The following SPIDR variants were observed in gnomAD, a reference collection of about 807,000 sequenced individuals.
The protein encoded by SPIDR is scaffold protein involved in DNA repair.
Under a neutral mutation model 104.6 loss-of-function variants are expected in SPIDR, and 93 were observed. The ratio of observed to expected loss-of-function variants is 0.89; its 90% CI spans 0.75 to 1.06. SPIDR has a LOEUF of 1.06. Among genes scored for constraint, SPIDR ranks in the 50% least tolerant of loss-of-function variants. SPIDR has a pLI of 0.00. For missense variants in SPIDR, 1,154 were observed against 1,111.2 expected (o/e 1.04, Z -0.55); for synonymous variants, 431 against 416.9 (o/e 1.03, Z -0.41).
At chr8:47,580,329 T>C (rs776748417) in intron 8 of SPIDR, among the ~76,000 whole-genome samples, 44 of 152,314 alleles carry the variant, frequency 2.9e-4, no homozygotes, top group Non-Finnish European at 5.3e-4. Context: ...TTCACAGTAG[T>C]GACAGCAGCA....
intron 8 of SPIDR, among the ~76,000 whole-genome samples, chr8:47,556,264 T>C (rs758944942): frequency 7.2e-5 from 11 of 152,198 alleles, no homozygotes; most frequent in Non-Finnish European, 1.3e-4. Context: ...GGATGTGCAA[T>C]TTTTGTTCAC....
chr8:47,310,333 CAAA>C (rs1166703089), intron 5 of SPIDR, among the ~76,000 whole-genome samples: 22 of 54,860 alleles, frequency 4.0e-4, no homozygotes, highest in African/African-American at 1.1e-3. Flanking sequence ...GACTCCATCT[CAAA>C]AAAAAAAAAA....
At chr8:47,347,603 C>T (rs1163877883) in intron 5 of SPIDR, among the ~76,000 whole-genome samples, 2 of 152,162 alleles carry the variant, frequency 1.3e-5, no homozygotes, top group East Asian at 1.9e-4. Context: ...CTTTGTAGAT[C>T]TGTAAGGACT....
At chr8:47,507,211 G>A (rs1220481477) in intron 8 of SPIDR, among the ~76,000 whole-genome samples, 2 of 152,182 alleles carry the variant, frequency 1.3e-5, no homozygotes, top group South Asian at 4.1e-4. Context: ...TGTAAGTTCT[G>A]ATTCTTTGTG....
intron 7 of SPIDR, among the ~76,000 whole-genome samples, chr8:47,418,922 A>T (rs577646859): frequency 1.5e-4 from 23 of 152,314 alleles, no homozygotes; most frequent in Middle Eastern, 3.4e-3. Context: ...GGTTACGTTT[A>T]TTGATTTGCA....
At chr8:47,283,947 AGTT>A (rs2038312797) in intron 2 of SPIDR, 78 bp from the exon 3 acceptor site, 1 of 989,548 alleles carries the variant, frequency 1.0e-6, no homozygotes, top group Non-Finnish European at 1.5e-6. Flanking sequence ...AGGAGAGTGT[AGTT>A]TAAGATTTTG....
At chr8:47,693,670 G>C (rs1208553888) in intron 11 of SPIDR, among the ~76,000 whole-genome samples, 2 of 152,112 alleles carry the variant, frequency 1.3e-5, no homozygotes, top group Non-Finnish European at 2.9e-5. Context: ...ACACAAAACA[G>C]GCAGCACTAA....
chr8:47,277,812 C>T (rs1356867755), intron 1 of SPIDR, among the ~76,000 whole-genome samples: 1 of 151,536 alleles, frequency 6.6e-6, no homozygotes, highest in Non-Finnish European at 1.5e-5. Flanking sequence ...GTAGCTGGGA[C>T]TACAGGCGCA....
At chr8:47,349,466 C>T (rs2052960358) in intron 5 of SPIDR, among the ~76,000 whole-genome samples, 1 of 152,188 alleles carries the variant, frequency 6.6e-6, no homozygotes, top group Non-Finnish European at 1.5e-5. Context: ...TCTCAGATCT[C>T]AAACTCCATT....
chr8:47,362,122 G>C (rs562882500), intron 5 of SPIDR, among the ~76,000 whole-genome samples: 5 of 152,186 alleles, frequency 3.3e-5, no homozygotes, highest in Non-Finnish European at 7.3e-5. Context: ...TGTGCCACCT[G>C]TGTATTTGCA....
At chr8:47,364,578 C>G (rs1554633161) in intron 5 of SPIDR, among the ~76,000 whole-genome samples, 1 of 152,136 alleles carries the variant, frequency 6.6e-6, no homozygotes. Flanking sequence ...TGGCAGGCCC[C>G]AGTTTTTCTT....
chr8:47,316,753 ATTTC>A (rs2045431844), intron 5 of SPIDR, among the ~76,000 whole-genome samples: 1 of 152,114 alleles, frequency 6.6e-6, no homozygotes, highest in Admixed American at 6.6e-5. Context: ...GAAGTATTTT[ATTTC>A]TTGTTTGGAG....
At chr8:47,293,453 T>C (rs1432124469) in intron 4 of SPIDR, among the ~76,000 whole-genome samples, 1 of 152,198 alleles carries the variant, frequency 6.6e-6, no homozygotes, top group African/African-American at 2.4e-5. Context: ...TTTCACTGTC[T>C]AAATTTTTTT....
At chr8:47,420,108 A>G (rs1297425610) in intron 7 of SPIDR, among the ~76,000 whole-genome samples, 1 of 152,038 alleles carries the variant, frequency 6.6e-6, no homozygotes, top group Non-Finnish European at 1.5e-5. Context: ...TGGGGTGGAG[A>G]GTTCTGTAGA....
intron 5 of SPIDR, among the ~76,000 whole-genome samples, chr8:47,312,465 G>A (rs2044385289): frequency 6.6e-6 from 1 of 152,120 alleles, no homozygotes. Context: ...TTTCTCTGAT[G>A]GCCAGTGATG....
intron 7 of SPIDR, among the ~76,000 whole-genome samples, chr8:47,423,942 T>C (rs2065996278): frequency 6.6e-6 from 1 of 152,232 alleles, no homozygotes; most frequent in African/African-American, 2.4e-5. Flanking sequence ...GAACAGTGAT[T>C]ACTAAGTGAT....
chr8:47,455,599 C>G (rs1237595090), intron 8 of SPIDR, among the ~76,000 whole-genome samples: 1 of 151,874 alleles, frequency 6.6e-6, no homozygotes, highest in Non-Finnish European at 1.5e-5. Context: ...TAAAACAAAA[C>G]AAGAATCCAC....
chr8:47,728,793 C>T (rs997795166), intron 17 of SPIDR, 140 bp from the exon 18 acceptor site: 23 of 953,274 alleles, frequency 2.4e-5, no homozygotes, highest in Non-Finnish European at 3.5e-5. Flanking sequence ...CTGCAGGCCT[C>T]TCTCAGAAAC....
intron 1 of SPIDR, among the ~76,000 whole-genome samples, chr8:47,270,944 A>G (rs375217675): frequency 6.2e-4 from 94 of 152,246 alleles, no homozygotes; most frequent in South Asian, 5.8e-3. Flanking sequence ...CACTCCTTTT[A>G]AATTTATCGA....
Sources: gnomAD v4.1 joint callset for allele counts (sites outside exome capture counted in the v4.1 genomes callset) on GRCh38, gnomAD v4.1.1 for gene constraint, MANE v1.5 for transcripts, NCBI Gene and HGNC (gene_info 2026-07-23, HGNC 2026-07-21) for gene names.